SYNE2: variants seen among roughly 807,000 people sequenced by gnomAD.
The protein encoded by SYNE2 is spectrin repeat containing nuclear envelope protein 2, also known as nesprin-2.
In SYNE2, 431 loss-of-function variants were observed where a neutral mutation model predicts 856.3. The observed-to-expected ratio is 0.50, with a 90% CI of 0.47 to 0.55. SYNE2 has a LOEUF of 0.55. SYNE2 is among the 20% of genes least tolerant of loss of function. The pLI, the probability that SYNE2 is intolerant of heterozygous loss-of-function variation, is 0.00. For missense variants in SYNE2, 8,129 were observed against 8,023.2 expected (o/e 1.01, Z -0.50); for synonymous variants, 2,923 against 2,872.3 (o/e 1.02, Z -0.56).
chr14:64,189,873 G>T (rs554603339), intron 98 of SYNE2, among the ~76,000 whole-genome samples, 198 bp from the exon 99 acceptor site: 2 of 152,162 alleles, frequency 1.3e-5, no homozygotes, highest in Non-Finnish European at 2.9e-5. Flanking sequence ...GTGTTGCACA[G>T]GCTAGTCTTG....
At chr14:64,206,500 G>GT (rs752673388) in intron 100 of SYNE2, among the ~76,000 whole-genome samples, 3 of 148,586 alleles carry the variant, frequency 2.0e-5, no homozygotes, top group Non-Finnish European at 4.5e-5. Flanking sequence ...ATTGTGTGGT[G>GT]TTTTACATGG....
At chr14:64,072,196 T>C (rs1325732613) in intron 52 of SYNE2, among the ~76,000 whole-genome samples, 3 of 152,220 alleles carry the variant, frequency 2.0e-5, no homozygotes, top group Admixed American at 6.5e-5. Flanking sequence ...TTGAGAAAGA[T>C]AGTGAGAAGT....
At chr14:63,821,299 GCTT>G (rs1200928342) in intron 1 of SYNE2, among the ~76,000 whole-genome samples, 7 of 152,078 alleles carry the variant, frequency 4.6e-5, no homozygotes, top group African/African-American at 1.2e-4. Context: ...AATTTCACCT[GCTT>G]CTTTTCAACT....
At chr14:64,205,993 A>G (rs1243710183) in intron 100 of SYNE2, among the ~76,000 whole-genome samples, 1 of 151,800 alleles carries the variant, frequency 6.6e-6, no homozygotes, top group Non-Finnish European at 1.5e-5. Flanking sequence ...TCCCACAGAC[A>G]CATTCAGGAG....
intron 84 of SYNE2, among the ~76,000 whole-genome samples, chr14:64,147,482 A>G (rs2098197534): frequency 6.6e-6 from 1 of 152,112 alleles, no homozygotes; most frequent in South Asian, 2.1e-4. Flanking sequence ...TTGCAAATAG[A>G]CCTAAGTCAA....
At chr14:63,978,633 G>A (rs2096562850) in intron 13 of SYNE2, among the ~76,000 whole-genome samples, 1 of 152,134 alleles carries the variant, frequency 6.6e-6, no homozygotes, top group Non-Finnish European at 1.5e-5. Flanking sequence ...TTCAGAAAAT[G>A]TTCTGTTTTT....
chr14:64,119,610 G>A lies in SYNE2; in HGVS notation c.13023+1G>A. 1 of 1,613,906 alleles carries A rather than the reference G, an allele frequency of 6.2e-7. No homozygotes were observed. The highest frequency in any genetic ancestry group is 8.5e-7 in the Non-Finnish European group (1 of 1,179,906). ...TCAGGAGAAGCACAGTGAAGATCAG[G>A]TAAAAAATGACTATCTATGGACATT... On this transcript the variant is annotated splice_donor_variant, in intron 67 of 115. Coordinates refer to ENST00000555002, the MANE Select transcript of SYNE2 (RefSeq NM_182914.3). LOFTEE classifies it high-confidence loss of function.
chr14:64,225,125 A>G, intron 115 of SYNE2, 80 bp downstream of exon 115: 3 of 1,576,636 alleles, frequency 1.9e-6, no homozygotes, highest in African/African-American at 1.3e-5. Context: ...TGCCACTATC[A>G]AGGTCCTTGC....
At chr14:63,808,760 C>A in intron 1 of SYNE2, 1 of 152,516 alleles carries the variant, frequency 6.6e-6, no homozygotes, top group Non-Finnish European at 1.5e-5. Context: ...TGGTGGCTCA[C>A]GCCTGTAATG....
At chr14:63,945,879 G>C (rs1411869062) in intron 6 of SYNE2, among the ~76,000 whole-genome samples, 1 of 152,160 alleles carries the variant, frequency 6.6e-6, no homozygotes, top group Non-Finnish European at 1.5e-5. Flanking sequence ...GAGTAAAGCT[G>C]CTCAGAACGT....
chr14:64,056,963 G>A (rs987865132), intron 49 of SYNE2, among the ~76,000 whole-genome samples: 7 of 152,030 alleles, frequency 4.6e-5, no homozygotes, highest in African/African-American at 7.2e-5. Context: ...TACCTAGTGT[G>A]TGCATTCTTC....
At chr14:63,964,132 A>G in intron 10 of SYNE2, 132 bp downstream of exon 10, 1 of 642,308 alleles carries the variant, frequency 1.6e-6, no homozygotes. Flanking sequence ...GCTGAATTCT[A>G]GGACTGTACT....
intron 45 of SYNE2, among the ~76,000 whole-genome samples, chr14:64,039,742 G>A (rs1463436484): frequency 6.6e-6 from 1 of 152,152 alleles, no homozygotes; most frequent in Non-Finnish European, 1.5e-5. Flanking sequence ...TTTATGCTAA[G>A]TATAATTTCT....
intron 111 of SYNE2, 118 bp from the exon 112 acceptor site, chr14:64,221,458 T>G: frequency 3.8e-6 from 6 of 1,592,530 alleles, no homozygotes; most frequent in Non-Finnish European, 5.2e-6. Context: ...TCGTATTCAG[T>G]GGGTAAGGCC....
At chr14:64,006,022 T>A (rs1159595449) in intron 30 of SYNE2, among the ~76,000 whole-genome samples, 1 of 152,198 alleles carries the variant, frequency 6.6e-6, no homozygotes, top group East Asian at 1.9e-4. Flanking sequence ...TGACCAAATG[T>A]GCTGACTAGT....
At chr14:64,179,433 G>A (rs1014294569) in intron 96 of SYNE2, among the ~76,000 whole-genome samples, 1 of 152,218 alleles carries the variant, frequency 6.6e-6, no homozygotes, top group African/African-American at 2.4e-5. Context: ...GAGCCACAGC[G>A]CCTGGCCTAC....
chr14:63,834,219 C>T (rs1595156968), intron 1 of SYNE2, among the ~76,000 whole-genome samples: 1 of 151,918 alleles, frequency 6.6e-6, no homozygotes, highest in East Asian at 1.9e-4. Flanking sequence ...AAATATTAAC[C>T]AGGTGTGGGG....
chr14:63,959,190 T>C (rs2096276956), intron 8 of SYNE2, among the ~76,000 whole-genome samples: 1 of 145,564 alleles, frequency 6.9e-6, no homozygotes, highest in Admixed American at 7.2e-5. Flanking sequence ...CAGGTTTTGG[T>C]AAGAGTTGAA....
At chr14:64,005,867 A>G (rs2096792194) in intron 30 of SYNE2, among the ~76,000 whole-genome samples, 1 of 152,220 alleles carries the variant, frequency 6.6e-6, no homozygotes, top group Non-Finnish European at 1.5e-5. Flanking sequence ...AGTTGGATCC[A>G]TACTCAGGGG....
Sources: gnomAD v4.1 joint callset for allele counts (sites outside exome capture counted in the v4.1 genomes callset) on GRCh38, gnomAD v4.1.1 for gene constraint, MANE v1.5 for transcripts, NCBI Gene and HGNC (gene_info 2026-07-23, HGNC 2026-07-21) for gene names.